The following ARL15 variants were observed in gnomAD, a reference collection of about 807,000 sequenced individuals.
The protein encoded by ARL15 is ARF like GTPase 15, also known as ADP-ribosylation factor-like protein 15.
In ARL15, 19 loss-of-function variants were observed where a neutral mutation model predicts 25.2. That is an observed-to-expected ratio of 0.75 (90% CI 0.53 to 1.10). The LOEUF (loss-of-function observed/expected upper bound fraction) is 1.10. Ranked by LOEUF, ARL15 falls within the 50% of genes least tolerant of loss-of-function variation. The pLI is 0.00. For synonymous variants in ARL15, 94 were observed against 86.8 expected, an observed-to-expected ratio of 1.08 and a Z score of -0.46; for missense variants, 220 against 246.0, an observed-to-expected ratio of 0.89 and a Z score of 0.71.
chr5:54,020,689 C>T (rs1579706880), intron 4 of ARL15, among the ~76,000 whole-genome samples: 1 of 152,062 alleles, frequency 6.6e-6, no homozygotes, highest in Non-Finnish European at 1.5e-5. Flanking sequence ...CTTCGTGGCT[C>T]ACTCCTGTAA....
chr5:53,922,722 G>T (rs1367985699), intron 4 of ARL15, among the ~76,000 whole-genome samples: 3 of 152,206 alleles, frequency 2.0e-5, no homozygotes, highest in African/African-American at 4.8e-5. Flanking sequence ...CTGTAGTGAT[G>T]TATTGATGGA....
rs154037 is a variant in ARL15 at position 54,014,850 on chromosome 5, T to C, written c.462+98352A>G. On this transcript the variant is annotated intron_variant, in intron 4 of 4. Transcript: ENST00000504924. ...CTCCTGAACCCCTTTAGGGTGTATG[T>C]AATCACTCTGTGGTTCTGCCCTGTG... Among the ~76,000 whole-genome samples, 948 of 152,250 alleles carry C rather than the reference T, an allele frequency of 6.2e-3. 8 individuals are homozygous for C. Among genetic ancestry groups the C allele is most frequent in the African/African-American group, 0.022 (907 of 41,530 alleles).
intron 4 of ARL15, among the ~76,000 whole-genome samples, chr5:54,062,517 GA>G (rs71577097): frequency 0.021 from 2,419 of 113,434 alleles, 26 homozygotes; most frequent in African/African-American, 0.04. Context: ...GGTGGTTAAG[GA>G]AAAAAAAAAA....
In ARL15 at chr5:54,039,979, A is replaced by G. The variant is rs546702130; in HGVS notation, c.462+73223T>C. On this transcript the variant is annotated intron_variant, in intron 4 of 4. Transcript: ENST00000504924. ...GTAAAATTATAAAATTGTATGGTTG[A>G]AACTGTAATGCATTTATTCCAATTT... 2.0e-5 allele frequency among the ~76,000 whole-genome samples: 3 copies of G among 152,276 alleles called. No individual in the cohort carries two copies. The East Asian group carries it at 5.8e-4, about 29-fold the overall frequency.
chr5:54,105,518 T>C (rs191589888), intron 4 of ARL15, among the ~76,000 whole-genome samples: 1 of 152,344 alleles, frequency 6.6e-6, no homozygotes, highest in Admixed American at 6.5e-5. Context: ...TATAAGAATT[T>C]TTTAAAATCC....
Position 54,266,103 on chromosome 5 carries a change from C to T in ARL15, c.48+44329G>A, listed in dbSNP as rs10075796. Among the ~76,000 whole-genome samples, 609 of 152,290 alleles carry T rather than the reference C, an allele frequency of 4.0e-3. 6 individuals are homozygous for T. Among genetic ancestry groups the T allele is most frequent in the African/African-American group, 0.014 (572 of 41,544 alleles). On this transcript the variant is annotated intron_variant, in intron 1 of 4. Coordinates refer to ENST00000504924, the MANE Select transcript of ARL15 (RefSeq NM_019087.3). ...ACACTTAAAATGTATGAAAGAGAAACGACTAACTTCATTAACTGCCAGTTG... is the reference window on the plus strand; with the variant it reads ...ACACTTAAAATGTATGAAAGAGAAATGACTAACTTCATTAACTGCCAGTTG...
At chr5:53,984,913 T>C (rs1748239540) in intron 4 of ARL15, among the ~76,000 whole-genome samples, 1 of 152,190 alleles carries the variant, frequency 6.6e-6, no homozygotes, top group Admixed American at 6.5e-5. Flanking sequence ...GACCTTCAAT[T>C]ATGGCTGTTT....
chr5:54,228,204 G>A (rs1266153738), intron 1 of ARL15, among the ~76,000 whole-genome samples: 1 of 152,084 alleles, frequency 6.6e-6, no homozygotes, highest in Non-Finnish European at 1.5e-5. Context: ...AGGCAAAGGG[G>A]ACAAAAATTA....
intron 4 of ARL15, among the ~76,000 whole-genome samples, chr5:53,924,223 C>T (rs1745948172): frequency 6.6e-6 from 1 of 152,148 alleles, no homozygotes; most frequent in South Asian, 2.1e-4. Context: ...GCCATTACGT[C>T]TCCTTAGCTT....
chr5:54,005,557 C>A (rs1749001504), intron 4 of ARL15, among the ~76,000 whole-genome samples: 1 of 151,722 alleles, frequency 6.6e-6, no homozygotes, highest in Admixed American at 6.6e-5. Flanking sequence ...TGGTGAAACT[C>A]CGTCTCTACT....
chr5:54,190,343 A>G (rs1237648470), intron 1 of ARL15, among the ~76,000 whole-genome samples: 1 of 152,022 alleles, frequency 6.6e-6, no homozygotes, highest in Non-Finnish European at 1.5e-5. Context: ...CAGTGAGCCA[A>G]GATCACCCCA....
intron 1 of ARL15, among the ~76,000 whole-genome samples, chr5:54,173,253 C>T (rs1360688042): frequency 4.6e-5 from 7 of 151,510 alleles, no homozygotes; most frequent in African/African-American, 1.7e-4. Context: ...GACAGGGTAT[C>T]ATTTGTGCAG....
rs560566588 is a variant in ARL15 at position 54,043,121 on chromosome 5, T to C, written c.462+70081A>G. Among the ~76,000 whole-genome samples, 14 of 152,220 alleles carry C rather than the reference T, an allele frequency of 9.2e-5. No individual in the cohort carries two copies. In the East Asian group the frequency reaches 2.3e-3, roughly 25 times the overall value. ...AATGCCTGTTCGTCTTTTGGGGCTG[T>C]AAAACAAGCACAACCTTCTCTGTTT... is the stretch of plus-strand genomic sequence containing the variant. On this transcript the variant is annotated intron_variant, in intron 4 of 4. Coordinates refer to ENST00000504924, the MANE Select transcript of ARL15 (RefSeq NM_019087.3).
chr5:53,927,555 T>G (rs907858820), intron 4 of ARL15, among the ~76,000 whole-genome samples: 2 of 152,144 alleles, frequency 1.3e-5, no homozygotes, highest in Non-Finnish European at 2.9e-5. Context: ...CAAATTTCCT[T>G]CCCTAATTTT....
At chr5:53,917,097 C>T (rs778089817) in intron 4 of ARL15, among the ~76,000 whole-genome samples, 1 of 152,122 alleles carries the variant, frequency 6.6e-6, no homozygotes, top group Admixed American at 6.5e-5. Context: ...GGAAAAGGAC[C>T]AGCCATTTGT....
At chr5:53,908,766 C>G (rs986246337) in intron 4 of ARL15, among the ~76,000 whole-genome samples, 6 of 152,164 alleles carry the variant, frequency 3.9e-5, no homozygotes, top group African/African-American at 7.2e-5. Flanking sequence ...GGAAATAATA[C>G]TACAAACCAG....
chr5:54,034,318 G>C (rs1419319180), intron 4 of ARL15, among the ~76,000 whole-genome samples: 1 of 152,128 alleles, frequency 6.6e-6, no homozygotes. Context: ...TTTGGCCCTT[G>C]CTGAAATAAA....
chr5:54,310,247 A>T, intron 1 of ARL15, 185 bp downstream of exon 1: 1 of 626,364 alleles, frequency 1.6e-6, no homozygotes, highest in Non-Finnish European at 2.7e-6. Flanking sequence ...CAGCTCCACC[A>T]CCCACCCGCC....
rs568110881 is a variant in ARL15 at position 54,009,033 on chromosome 5, C to T, written c.462+104169G>A. Among the ~76,000 whole-genome samples, 8 of 152,208 alleles carry T rather than the reference C, an allele frequency of 5.3e-5. No individual in the cohort carries two copies. In the South Asian group the frequency reaches 1.7e-3, roughly 32 times the overall value. On this transcript the variant is annotated intron_variant, in intron 4 of 4. Coordinates refer to ENST00000504924, the MANE Select transcript of ARL15 (RefSeq NM_019087.3). The stretch of plus-strand genomic sequence containing the variant: ...AGCTGATCATTTTCATTAGAATATC[C>T]TGGCAGTAGTATTCATGTTTCATTA...
Sources: allele counts gnomAD v4.1 joint callset (sites outside exome capture counted in the v4.1 genomes callset), GRCh38; gene constraint gnomAD v4.1.1; transcripts MANE v1.5; gene names NCBI Gene and HGNC (gene_info 2026-07-23, HGNC 2026-07-21).